KLF8: variants seen among roughly 807,000 people sequenced by gnomAD.
KLF8 encodes the protein Krueppel-like factor 8.
In KLF8, 10 loss-of-function variants were observed where a neutral mutation model predicts 18.2. The ratio of observed to expected loss-of-function variants is 0.55; its 90% CI spans 0.34 to 0.93. KLF8 has a LOEUF of 0.93. KLF8 is among the 40% of genes least tolerant of loss of function. KLF8 has a pLI of 0.02. For synonymous variants in KLF8, 109 were observed against 97.3 expected (o/e 1.12, Z -0.71); for missense variants, 264 against 277.9 (o/e 0.95, Z 0.36).
At chrX:56,259,778 A>G (rs1248719170) in intron 2 of KLF8, among the ~76,000 whole-genome samples, 1 of 111,164 alleles carries the variant, frequency 9.0e-6, no homozygotes, top group East Asian at 2.8e-4. Flanking sequence ...AATATTATTT[A>G]CATACTTTAA....
chrX:56,167,629 G>T, the KLF8 span, among the ~76,000 whole-genome samples: 2 of 112,139 alleles, frequency 1.8e-5, no homozygotes, highest in East Asian at 2.8e-4. Context: ...GACTACTGGG[G>T]AATTACATGA....
At chrX:56,170,811 T>A in the KLF8 span, among the ~76,000 whole-genome samples, 2 of 111,155 alleles carry the variant, frequency 1.8e-5, no homozygotes, top group African/African-American at 3.3e-5. Context: ...GAAAAAGATA[T>A]CAGTATACAA....
At chrX:56,213,314 CTTTTTTTT>C in the KLF8 span, among the ~76,000 whole-genome samples, 20 of 12,016 alleles carry the variant, frequency 1.7e-3, no homozygotes, top group African/African-American at 4.9e-3. Flanking sequence ...CTTTTCTTTT[CTTTTTTTT>C]TTTTTTTTTT....
the KLF8 span, among the ~76,000 whole-genome samples, chrX:55,936,847 C>T: frequency 3.6e-5 from 2 of 56,240 alleles, no homozygotes; most frequent in Admixed American, 3.0e-4. Context: ...CCGCCATTGC[C>T]GAGGCTTGAG....
the KLF8 span, among the ~76,000 whole-genome samples, chrX:56,156,891 T>C: frequency 9.2e-6 from 1 of 108,541 alleles, no homozygotes; most frequent in East Asian, 3.1e-4. Context: ...ACAAATGACA[T>C]GAACTCATCC....
chrX:56,079,830 T>C, the KLF8 span, among the ~76,000 whole-genome samples: 1 of 111,456 alleles, frequency 9.0e-6, no homozygotes, highest in Non-Finnish European at 1.9e-5. Context: ...ATCTCGGTGC[T>C]CCTGTATTGG....
At chrX:55,919,384 A>G in the KLF8 span, among the ~76,000 whole-genome samples, 93 of 111,782 alleles carry the variant, frequency 8.3e-4, no homozygotes, top group African/African-American at 2.6e-3. Context: ...AGATCCTTTG[A>G]AGGAACTGGA....
chrX:56,209,411 G>T, the KLF8 span, among the ~76,000 whole-genome samples: 4 of 110,760 alleles, frequency 3.6e-5, no homozygotes, highest in Non-Finnish European at 5.7e-5. Context: ...CATTCATTGA[G>T]CCAGTGTGTC....
the KLF8 span, among the ~76,000 whole-genome samples, chrX:56,210,547 T>C: frequency 2.4e-4 from 27 of 111,232 alleles, no homozygotes; most frequent in Non-Finnish European, 5.1e-4. Context: ...CTTGGTGTTC[T>C]ATAACCTACT....
the KLF8 span, among the ~76,000 whole-genome samples, chrX:55,945,384 C>T: frequency 9.0e-6 from 1 of 111,017 alleles, no homozygotes; most frequent in African/African-American, 3.3e-5. Flanking sequence ...TCTGGGTATC[C>T]TTGTTAACGT....
At chrX:56,108,036 C>T in the KLF8 span, among the ~76,000 whole-genome samples, 1 of 111,380 alleles carries the variant, frequency 9.0e-6, no homozygotes, top group Non-Finnish European at 1.9e-5. Context: ...GAAACACAAC[C>T]GATTTTTGTT....
chrX:56,282,916 G>T (rs1455882125), intron 5 of KLF8, among the ~76,000 whole-genome samples: 3 of 111,506 alleles, frequency 2.7e-5, no homozygotes, highest in Non-Finnish European at 5.7e-5. Context: ...ACAACATTAT[G>T]ATTTTAAAGC....
At chrX:56,048,318 T>C in the KLF8 span, among the ~76,000 whole-genome samples, 1 of 112,115 alleles carries the variant, frequency 8.9e-6, no homozygotes, top group Middle Eastern at 4.2e-3. Flanking sequence ...TTGTCTTTGG[T>C]GTTTTAGACA....
At chrX:56,021,243 G>GTT in the KLF8 span, among the ~76,000 whole-genome samples, 1 of 111,736 alleles carries the variant, frequency 8.9e-6, no homozygotes, top group Non-Finnish European at 1.9e-5. Context: ...GCAACTTAAT[G>GTT]ATTTTGAGAT....
the KLF8 span, among the ~76,000 whole-genome samples, chrX:55,985,202 G>C: frequency 1.8e-5 from 2 of 111,487 alleles, no homozygotes; most frequent in Non-Finnish European, 3.8e-5. Flanking sequence ...ATTTGTCTGT[G>C]CCTATGTCCT....
the KLF8 span, among the ~76,000 whole-genome samples, chrX:55,979,409 AC>A: frequency 1.8e-5 from 2 of 111,665 alleles, no homozygotes. Context: ...GAAGTTTGGT[AC>A]TATCCATGGT....
chrX:56,276,139 C>T (rs912572034), intron 5 of KLF8, among the ~76,000 whole-genome samples: 7 of 109,713 alleles, frequency 6.4e-5, no homozygotes, highest in Non-Finnish European at 1.1e-4. Flanking sequence ...ACCTGCCCCC[C>T]GCCCCCGCAC....
chrX:56,263,357 G>A (rs141529812), intron 2 of KLF8, among the ~76,000 whole-genome samples: 1 of 111,945 alleles, frequency 8.9e-6, no homozygotes, highest in African/African-American at 3.2e-5. Context: ...ATAGGTGCTG[G>A]CAAATCAAGA....
chrX:56,097,164 A>G, the KLF8 span, among the ~76,000 whole-genome samples: 3 of 111,442 alleles, frequency 2.7e-5, no homozygotes, highest in South Asian at 3.7e-4. Context: ...AAAAATCAAT[A>G]AATGTAATTC....
Sources: gnomAD v4.1 joint callset for allele counts (sites outside exome capture counted in the v4.1 genomes callset) on GRCh38, gnomAD v4.1.1 for gene constraint, MANE v1.5 for transcripts, NCBI Gene and HGNC (gene_info 2026-07-23, HGNC 2026-07-21) for gene names.